RPS6KA6: variants seen among roughly 807,000 people sequenced by gnomAD.
RPS6KA6 encodes ribosomal protein S6 kinase A6, also known as ribosomal protein S6 kinase alpha-6.
Under a neutral mutation model 65.4 loss-of-function variants are expected in RPS6KA6, and 27 were observed. The ratio of observed to expected loss-of-function variants is 0.41; its 90% CI spans 0.30 to 0.57. The LOEUF (loss-of-function observed/expected upper bound fraction) is 0.57, where lower values mean the gene tolerates loss of function less well. Among genes scored for constraint, RPS6KA6 ranks in the 20% least tolerant of loss-of-function variants. RPS6KA6 has a pLI of 0.24. For missense variants in RPS6KA6, 486 were observed against 555.6 expected (o/e 0.87, Z 1.26); for synonymous variants, 190 against 184.2 (o/e 1.03, Z -0.26).
At chrX:84,159,532 C>A (rs2035477029) in intron 2 of RPS6KA6, among the ~76,000 whole-genome samples, 1 of 111,155 alleles carries the variant, frequency 9.0e-6, no homozygotes, top group African/African-American at 3.3e-5. Flanking sequence ...ATTCACCCAG[C>A]AAATCAACAT....
intron 1 of RPS6KA6, among the ~76,000 whole-genome samples, chrX:84,185,583 A>T (rs2035917442): frequency 8.9e-6 from 1 of 112,130 alleles, no homozygotes; most frequent in East Asian, 2.8e-4. Flanking sequence ...TAAAAGATAC[A>T]AAAAGACTCC....
intron 19 of RPS6KA6, 26 bp from the exon 20 acceptor site, chrX:84,096,337 A>T (rs1235642565): frequency 3.8e-6 from 3 of 784,825 alleles, no homozygotes; most frequent in Non-Finnish European, 5.4e-6. Context: ...ATTTTAATAG[A>T]CACTAGAGGG....
chrX:84,119,425 C>G (rs989053630), intron 9 of RPS6KA6, among the ~76,000 whole-genome samples: 8 of 111,852 alleles, frequency 7.2e-5, no homozygotes, highest in African/African-American at 2.3e-4. Context: ...GAAATGCTCA[C>G]TATGCTTGAT....
chrX:84,134,256 T>C (rs2034954311), intron 8 of RPS6KA6, among the ~76,000 whole-genome samples: 1 of 111,736 alleles, frequency 8.9e-6, no homozygotes. Flanking sequence ...ATTTAGGTAA[T>C]TTCCAGTCTT....
intron 2 of RPS6KA6, among the ~76,000 whole-genome samples, chrX:84,156,426 A>G (rs1397317613): frequency 2.7e-5 from 3 of 111,003 alleles, no homozygotes; most frequent in African/African-American, 9.8e-5. Context: ...AAAGAAATCT[A>G]TGCTTCAGCC....
intron 1 of RPS6KA6, among the ~76,000 whole-genome samples, chrX:84,181,144 G>C (rs1224890728): frequency 9.0e-6 from 1 of 111,446 alleles, no homozygotes; most frequent in Non-Finnish European, 1.9e-5. Flanking sequence ...TCCTCTTAAA[G>C]TTTGTCTTCA....
chrX:84,079,182 G>A (rs1304510797), intron 20 of RPS6KA6, among the ~76,000 whole-genome samples: 1 of 110,733 alleles, frequency 9.0e-6, no homozygotes, highest in Non-Finnish European at 1.9e-5. Flanking sequence ...AAGGAGGGTG[G>A]GGCATCGCCT....
At chrX:84,184,853 A>AAAAAAAATT (rs2035908036) in intron 1 of RPS6KA6, among the ~76,000 whole-genome samples, 1 of 105,428 alleles carries the variant, frequency 9.5e-6, no homozygotes, top group Non-Finnish European at 1.9e-5. Context: ...AAAAAAAAAA[A>AAAAAAAATT]CTAACTTGCT....
At chrX:84,097,935 CA>C in intron 18 of RPS6KA6, 87 bp from the exon 19 acceptor site, 2 of 627,593 alleles carry the variant, frequency 3.2e-6, no homozygotes, top group South Asian at 3.6e-5. Flanking sequence ...AATAATCTCA[CA>C]AAAGTTCATA....
rs748241385 is a variant in RPS6KA6 at position 84,062,235 on chromosome X, T to C, written c.*2042A>G. 1.8e-5 allele frequency: 2 copies of C among 111,684 alleles called. No individual in the cohort carries two copies. The highest frequency in any genetic ancestry group is 3.7e-4 in the South Asian group (1 of 2,705). The allele number at this position is 111,684 out of a possible 1,213,427, so 9.2% of individuals were successfully genotyped here. A position where few individuals can be genotyped will look rare whatever the true frequency, so the allele number is the denominator to read the frequency against. ...TAAGACTGTCTACTTTTTAAAGCCA[T>C]TGATTATAGAAAACCTGAAAGTTAT... On this transcript the variant is annotated 3_prime_UTR_variant, in exon 22 of 22. Coordinates refer to ENST00000262752, the MANE Select transcript of RPS6KA6 (RefSeq NM_014496.5).
chrX:84,124,940 C>A (rs1381422899), intron 8 of RPS6KA6, among the ~76,000 whole-genome samples: 1 of 111,697 alleles, frequency 9.0e-6, no homozygotes, highest in Non-Finnish European at 1.9e-5. Context: ...TAATGGAGCC[C>A]CAATACACCT....
intron 19 of RPS6KA6, among the ~76,000 whole-genome samples, 175 bp from the exon 20 acceptor site, chrX:84,096,486 T>A (rs1262490918): frequency 9.0e-6 from 1 of 111,602 alleles, no homozygotes; most frequent in Non-Finnish European, 1.9e-5. Context: ...TTAACCTTAA[T>A]AAAATGTTTA....
At position 84,102,213 on chromosome X, in the gene RPS6KA6, A is replaced by G. The variant is rs757720039; in HGVS notation, c.1615-15T>C. ...CGATGAACAACCTTGAATATAAAGGAAAAAAGCATTATATCTATATAATTA... is the reference window on the plus strand; with the variant it reads ...CGATGAACAACCTTGAATATAAAGGGAAAAAGCATTATATCTATATAATTA... On this transcript the variant is annotated splice_polypyrimidine_tract_variant and intron_variant, in intron 17 of 21. Transcript: ENST00000262752. 7.6e-6 allele frequency: 7 copies of G among 924,593 alleles called. No individual in the cohort carries two copies. The South Asian group carries it at 2.4e-4, about 32-fold the overall frequency. 76.2% of individuals were successfully genotyped at this position (924,593 alleles called of 1,213,427 possible). A position where few individuals can be genotyped will look rare whatever the true frequency, so the allele number is the denominator to read the frequency against.
Position 84,131,568 on chromosome X carries a change from G to C in RPS6KA6, c.646+3214C>G, listed in dbSNP as rs185477540. On this transcript the variant is annotated intron_variant, in intron 8 of 21. Coordinates refer to ENST00000262752, the MANE Select transcript of RPS6KA6 (RefSeq NM_014496.5). ...TTTCTTTGGCCATTCCAGAGAGAAG[G>C]GGGGAGAGAAGAATTTTCTCATTCT... Among the ~76,000 whole-genome samples, 4 of 111,649 alleles carry C rather than the reference G, an allele frequency of 3.6e-5. No individual in the cohort carries two copies. In the East Asian group the frequency reaches 8.5e-4, roughly 24 times the overall value.
In RPS6KA6 at chrX:84,064,383, T is replaced by C. The variant is rs182582525; in HGVS notation, c.2132A>G (p.Tyr711Cys). ...AAAGGTCTTGTGAGTCAGGGCAGAG[T>C]ATGTTGCAACCATTGCTCCCTAAAG... ...HVVKGAMVAT[Y>C]SALTHKTFQP... Residue 711 changes from tyrosine to cysteine, a missense_variant, in exon 22 of 22, where the codon TAC becomes TGC. This residue lies in a region of RPS6KA6 where 345 missense variants were observed against 375.0 expected (regional missense o/e 0.92). Coordinates refer to ENST00000262752, the MANE Select transcript of RPS6KA6 (RefSeq NM_014496.5). The C allele has an allele frequency of 1.1e-4, 137 of 1,199,284 alleles. No individual in the cohort carries two copies. Among genetic ancestry groups the C allele is most frequent in the Non-Finnish European group, 1.5e-4 (134 of 891,156 alleles).
At chrX:84,095,397 A>G (rs1353273484) in intron 20 of RPS6KA6, among the ~76,000 whole-genome samples, 1 of 111,830 alleles carries the variant, frequency 8.9e-6, no homozygotes. Context: ...TAAATGTAAG[A>G]AATTAGTTTT....
intron 11 of RPS6KA6, among the ~76,000 whole-genome samples, chrX:84,116,844 CATA>C (rs898659523): frequency 9.0e-6 from 1 of 111,223 alleles, no homozygotes. Context: ...ATAATATATA[CATA>C]ATAATAGGTT....
At chrX:84,100,801 T>C (rs987106856) in intron 18 of RPS6KA6, among the ~76,000 whole-genome samples, 1 of 111,083 alleles carries the variant, frequency 9.0e-6, no homozygotes, top group Admixed American at 9.7e-5. Flanking sequence ...TATTAAAATA[T>C]AGATTAAATC....
chrX:84,164,291 T>C (rs1002031790), intron 2 of RPS6KA6, 37 bp downstream of exon 2: 5 of 1,038,593 alleles, frequency 4.8e-6, no homozygotes, highest in Admixed American at 2.3e-5. Flanking sequence ...CCTTATATGC[T>C]AAAAATGTGG....
Sources: gnomAD v4.1 joint callset for allele counts (sites outside exome capture counted in the v4.1 genomes callset) on GRCh38, gnomAD v4.1.1 for gene constraint, gnomAD v4.1.1 regional missense constraint, MANE v1.5 for transcripts, NCBI Gene and HGNC (gene_info 2026-07-23, HGNC 2026-07-21) for gene names.